Variants in MAGI2 observed in about 807,000 individuals in gnomAD.
MAGI2 encodes membrane-associated guanylate kinase, WW and PDZ domain-containing protein 2.
A neutral mutation model predicts 133.3 loss-of-function variants in MAGI2; 35 were observed. That is an observed-to-expected ratio of 0.26 (90% CI 0.20 to 0.35). The LOEUF (loss-of-function observed/expected upper bound fraction) is 0.35, where lower values mean the gene tolerates loss of function less well. MAGI2 is among the 10% of genes least tolerant of loss of function. The pLI is 1.00. For missense variants in MAGI2, 1,636 were observed against 1,863.4 expected (o/e 0.88, Z 2.25); for synonymous variants, 729 against 710.6 (o/e 1.03, Z -0.41).
intron 1 of MAGI2, among the ~76,000 whole-genome samples, chr7:79,345,631 T>C (rs900403751): frequency 3.3e-5 from 5 of 152,112 alleles, no homozygotes; most frequent in East Asian, 1.9e-4. Context: ...GAAATTCTCA[T>C]AATACTTGTT....
At chr7:78,897,201 G>T (rs911481231) in intron 2 of MAGI2, among the ~76,000 whole-genome samples, 1 of 152,108 alleles carries the variant, frequency 6.6e-6, no homozygotes, top group Non-Finnish European at 1.5e-5. Flanking sequence ...CACTTCTGAA[G>T]GAAAAAAGCA....
At chr7:79,374,254 G>A (rs1410642709) in intron 1 of MAGI2, among the ~76,000 whole-genome samples, 1 of 151,784 alleles carries the variant, frequency 6.6e-6, no homozygotes, top group African/African-American at 2.4e-5. Flanking sequence ...GTTAAAATGA[G>A]GTCATTAGGG....
intron 16 of MAGI2, among the ~76,000 whole-genome samples, chr7:78,150,625 A>C (rs1236082358): frequency 6.6e-6 from 1 of 152,186 alleles, no homozygotes; most frequent in African/African-American, 2.4e-5. Flanking sequence ...GCTGCAGGAC[A>C]TAAGCCCAGA....
At chr7:78,319,899 G>A (rs532748710) in intron 9 of MAGI2, among the ~76,000 whole-genome samples, 7 of 152,220 alleles carry the variant, frequency 4.6e-5, no homozygotes, top group African/African-American at 1.7e-4. Context: ...AAGACGAAAA[G>A]AGAGAAGAAT....
At chr7:78,676,875 T>C (rs560192303) in intron 2 of MAGI2, among the ~76,000 whole-genome samples, 20 of 152,186 alleles carry the variant, frequency 1.3e-4, no homozygotes, top group Non-Finnish European at 2.4e-4. Context: ...GCCAAATACA[T>C]TGAGGCATTT....
intron 2 of MAGI2, among the ~76,000 whole-genome samples, chr7:78,712,060 A>G (rs1368434933): frequency 6.6e-6 from 1 of 152,228 alleles, no homozygotes; most frequent in Non-Finnish European, 1.5e-5. Flanking sequence ...TAAAAGGAAC[A>G]GTGCTACTGG....
At chr7:79,325,529 A>C (rs1839622875) in intron 1 of MAGI2, among the ~76,000 whole-genome samples, 1 of 152,154 alleles carries the variant, frequency 6.6e-6, no homozygotes, top group Admixed American at 6.6e-5. Context: ...AAAGCATGAG[A>C]GATAGGTATA....
At chr7:78,726,914 C>T (rs977497057) in intron 2 of MAGI2, among the ~76,000 whole-genome samples, 1 of 149,830 alleles carries the variant, frequency 6.7e-6, no homozygotes, top group Non-Finnish European at 1.5e-5. Context: ...TTCTCAGATG[C>T]ATGGGTTTTT....
At chr7:78,653,645 G>T (rs1292657738) in intron 2 of MAGI2, among the ~76,000 whole-genome samples, 1 of 151,926 alleles carries the variant, frequency 6.6e-6, no homozygotes. Context: ...GGGTTTGGGG[G>T]CTAGGGGAGG....
At chr7:78,826,685 T>C (rs1226144835) in intron 2 of MAGI2, among the ~76,000 whole-genome samples, 1 of 151,944 alleles carries the variant, frequency 6.6e-6, no homozygotes. Context: ...GTCAGGAGAG[T>C]TCTAGGATGA....
intron 21 of MAGI2, among the ~76,000 whole-genome samples, chr7:78,055,585 C>A (rs1008787261): frequency 6.6e-6 from 1 of 152,166 alleles, no homozygotes; most frequent in African/African-American, 2.4e-5. Flanking sequence ...ACCACCGACA[C>A]CTCCCAGACC....
At chr7:79,412,149 T>G (rs533295478) in intron 1 of MAGI2, 1 of 152,186 alleles carries the variant, frequency 6.6e-6, no homozygotes, top group Non-Finnish European at 1.5e-5. Context: ...TTTCATAAAT[T>G]AGCCCTGTAT....
intron 1 of MAGI2, among the ~76,000 whole-genome samples, chr7:79,395,845 C>T (rs1011405012): frequency 6.6e-6 from 1 of 152,040 alleles, no homozygotes; most frequent in Non-Finnish European, 1.5e-5. Flanking sequence ...CTATGCAGAC[C>T]ATTCAATGTA....
At chr7:79,363,890 C>A (rs1842524284) in intron 1 of MAGI2, among the ~76,000 whole-genome samples, 1 of 151,568 alleles carries the variant, frequency 6.6e-6, no homozygotes, top group African/African-American at 2.4e-5. Context: ...CAAATATGTA[C>A]AAATATTACA....
intron 1 of MAGI2, among the ~76,000 whole-genome samples, chr7:79,064,388 T>C (rs1814096509): frequency 6.6e-6 from 1 of 152,056 alleles, no homozygotes; most frequent in East Asian, 1.9e-4. Flanking sequence ...TTCAATGACT[T>C]GCATAAGACC....
intron 2 of MAGI2, among the ~76,000 whole-genome samples, chr7:78,711,733 C>T (rs961623164): frequency 3.3e-5 from 5 of 152,144 alleles, no homozygotes; most frequent in Admixed American, 6.6e-5. Context: ...GTCAGCTTCA[C>T]TTACTGAAGT....
intron 18 of MAGI2, 22 bp from the exon 19 acceptor site, chr7:78,127,438 T>G: frequency 3.2e-6 from 5 of 1,578,928 alleles, no homozygotes; most frequent in Non-Finnish European, 4.3e-6. Context: ...GAAATGGGAT[T>G]TGCTTTTGTA....
intron 9 of MAGI2, among the ~76,000 whole-genome samples, chr7:78,292,618 A>G (rs1391593537): frequency 1.3e-5 from 2 of 152,234 alleles, no homozygotes; most frequent in Non-Finnish European, 2.9e-5. Context: ...AAGAGCCCAC[A>G]TTGCCAAGAC....
intron 6 of MAGI2, among the ~76,000 whole-genome samples, chr7:78,481,977 C>T (rs1470779548): frequency 1.3e-5 from 2 of 151,712 alleles, no homozygotes; most frequent in Non-Finnish European, 2.9e-5. Context: ...ATACAAACTG[C>T]AGACTTGGAG....
Sources: gnomAD v4.1 joint callset for allele counts (sites outside exome capture counted in the v4.1 genomes callset) on GRCh38, gnomAD v4.1.1 for gene constraint, MANE v1.5 for transcripts, NCBI Gene and HGNC (gene_info 2026-07-23, HGNC 2026-07-21) for gene names.